ZC3H7A: variants seen among roughly 807,000 people sequenced by gnomAD.
ZC3H7A encodes zinc finger CCCH domain-containing protein 7A.
In ZC3H7A, 44 loss-of-function variants were observed where a neutral mutation model predicts 125.5. The ratio of observed to expected loss-of-function variants is 0.35; its 90% CI spans 0.28 to 0.45. ZC3H7A has a LOEUF of 0.45. Ranked by LOEUF, ZC3H7A falls within the 20% of genes least tolerant of loss-of-function variation. The pLI is 1.00. For synonymous variants in ZC3H7A, 399 were observed against 391.2 expected, an observed-to-expected ratio of 1.02 and a Z score of -0.23; for missense variants, 977 against 1,170.7, an observed-to-expected ratio of 0.83 and a Z score of 2.41.
chr16:11,768,770 G>C (rs752543680), intron 11 of ZC3H7A, among the ~76,000 whole-genome samples: 1 of 151,880 alleles, frequency 6.6e-6, no homozygotes, highest in African/African-American at 2.4e-5. Context: ...TACATGCCCC[G>C]ATCTTATATT....
intron 1 of ZC3H7A, among the ~76,000 whole-genome samples, chr16:11,794,531 T>C (rs1234861505): frequency 6.6e-6 from 1 of 152,008 alleles, no homozygotes; most frequent in Non-Finnish European, 1.5e-5. Flanking sequence ...TGGAGAAAAA[T>C]ATTTTCACTA....
chr16:11,785,762 G>A (rs370627732), intron 1 of ZC3H7A, among the ~76,000 whole-genome samples: 1 of 152,276 alleles, frequency 6.6e-6, no homozygotes, highest in South Asian at 2.1e-4. Context: ...TGGGACTACA[G>A]GCGCCCGCCA....
At chr16:11,757,951 A>G (rs1824573291) in intron 20 of ZC3H7A, among the ~76,000 whole-genome samples, 1 of 152,222 alleles carries the variant, frequency 6.6e-6, no homozygotes, top group South Asian at 2.1e-4. Flanking sequence ...CTCCTCTCAA[A>G]GGCTCCCACA....
intron 1 of ZC3H7A, among the ~76,000 whole-genome samples, chr16:11,794,350 C>T (rs765925337): frequency 6.6e-6 from 1 of 152,194 alleles, no homozygotes; most frequent in Non-Finnish European, 1.5e-5. Flanking sequence ...AAACGAAAAT[C>T]ACCTCATTTA....
Position 11,779,197 on chromosome 16 carries a change from T to C in ZC3H7A, c.275A>G (p.Tyr92Cys). 1 of 1,607,024 alleles carries C rather than the reference T, an allele frequency of 6.2e-7. No individual in the cohort carries two copies. The highest frequency in any genetic ancestry group is 1.1e-5 in the South Asian group (1 of 90,506). Residue 92 changes from tyrosine to cysteine, a missense_variant, in exon 4 of 23, where the codon TAT (tyrosine) becomes TGT (cysteine). This residue lies in a region of ZC3H7A where 199 missense variants were observed against 256.1 expected (regional missense o/e 0.78). Transcript: ENST00000355758. ...LIPKEIIEKLYINRIACYSNM... is the reference protein window; with the variant it reads ...LIPKEIIEKLCINRIACYSNM... ...AGAATAGCAGGCAATACGATTTATATATAGTTTTTCAATTATTTCTTTGGG... is the reference window on the plus strand; with the variant it reads ...AGAATAGCAGGCAATACGATTTATACATAGTTTTTCAATTATTTCTTTGGG...
At chr16:11,757,469 G>C (rs2052670369) in intron 20 of ZC3H7A, among the ~76,000 whole-genome samples, 1 of 117,666 alleles carries the variant, frequency 8.5e-6, no homozygotes, top group Non-Finnish European at 1.6e-5. Flanking sequence ...GGGTGACAAA[G>C]CGAGACTCTG....
At chr16:11,756,635 G>T (rs2052654189) in intron 20 of ZC3H7A, among the ~76,000 whole-genome samples, 1 of 152,160 alleles carries the variant, frequency 6.6e-6, no homozygotes, top group African/African-American at 2.4e-5. Context: ...ACGACACTTT[G>T]GGGATGTTTA....
intron 1 of ZC3H7A, among the ~76,000 whole-genome samples, chr16:11,789,197 A>C (rs79160862): frequency 0.087 from 13,216 of 152,210 alleles, 719 homozygotes; most frequent in African/African-American, 0.14. Context: ...ACTACTTTTG[A>C]AACTTCCTGT....
intron 9 of ZC3H7A, 129 bp from the exon 10 acceptor site, chr16:11,771,116 A>G (rs1006862765): frequency 1.9e-5 from 18 of 940,826 alleles, no homozygotes; most frequent in African/African-American, 3.3e-5. Context: ...AGTTTAGGCC[A>G]GGCATGGTGG....
chr16:11,763,593 C>T lies in ZC3H7A; in HGVS notation c.1887G>A (p.Gln629=). The change falls in exon 16 of 23, where the codon CAG becomes CAA. Residue 629 remains glutamine, a synonymous_variant. Transcript: ENST00000355758. ...KYSKIRSFHG[Q]CQLDLCRHEV... ...CATGTCGACATAAATCAAGCTGACA[C>T]TGACCATGAAAAGAACGTATTTTGG... 3 of 1,611,180 alleles carry T rather than the reference C, an allele frequency of 1.9e-6. No individual in the cohort carries two copies. The highest frequency in any genetic ancestry group is 2.5e-6 in the Non-Finnish European group (3 of 1,178,520).
At position 11,752,785 on chromosome 16, in the gene ZC3H7A, C is replaced by T. The variant is rs770238684; in HGVS notation, c.2610G>A (p.Lys870=). ...CGGAGGAGATGTGGCCCTGCCACTG[C>T]TTCTCACTGTTGCAGTTTTTCCCAC... is the stretch of plus-strand genomic sequence containing the variant. ...WMCGKNCNSE[K]QWQGHISSEK... Residue 870 remains lysine (K), a synonymous_variant, in exon 22 of 23, where the codon AAG becomes AAA. Coordinates refer to ENST00000355758, the MANE Select transcript of ZC3H7A (RefSeq NM_014153.4). 36 of 1,613,852 alleles carry T rather than the reference C, an allele frequency of 2.2e-5. No individual in the cohort carries two copies. In the South Asian group the frequency reaches 3.0e-4, roughly 13 times the overall value.
chr16:11,779,256 T>A lies in ZC3H7A; in HGVS notation c.216A>T (p.Ile72=). The part of the protein sequence containing the change: ...SISQYTEALN[I]ADYAKSEEIL... ...TTTCTTCAGATTTTGCATAATCAGC[T>A]ATATTCAAGGCTTCCGTGTACTGGC... Residue 72 remains isoleucine (I), a synonymous_variant, in exon 4 of 23, where the codon ATA becomes ATT. Transcript: ENST00000355758. 6.2e-7 allele frequency: 1 copy of A among 1,613,848 alleles called. No homozygotes were observed. Among genetic ancestry groups the A allele is most frequent in the Non-Finnish European group, 8.5e-7 (1 of 1,179,864 alleles).
At chr16:11,794,328 G>A (rs191022126) in intron 1 of ZC3H7A, among the ~76,000 whole-genome samples, 5 of 152,196 alleles carry the variant, frequency 3.3e-5, no homozygotes, top group Admixed American at 2.6e-4. Flanking sequence ...AAGTAACCTC[G>A]TTGCTTTACA....
intron 1 of ZC3H7A, chr16:11,796,164 T>A (rs192312501): frequency 1.3e-5 from 2 of 152,356 alleles, no homozygotes; most frequent in Admixed American, 6.5e-5. Flanking sequence ...TTTTCGTTAA[T>A]CCAATTTGTC....
chr16:11,776,574 C>T, intron 5 of ZC3H7A, 42 bp from the exon 6 acceptor site: 1 of 1,554,654 alleles, frequency 6.4e-7, no homozygotes, highest in East Asian at 2.3e-5. Context: ...GTTATATTTA[C>T]TAATGGTGAA....
rs764063084 is a variant in ZC3H7A at position 11,768,317 on chromosome 16, G to A, written c.1358C>T (p.Ser453Leu). 1.3e-6 allele frequency: 2 copies of A among 1,533,510 alleles called. No individual in the cohort carries two copies. The highest frequency in any genetic ancestry group is 1.8e-6 in the Non-Finnish European group (2 of 1,131,344). 95.0% of individuals were successfully genotyped at this position (1,533,510 alleles called of 1,614,324 possible). ...CTGCGTGTTTGTTTGGTCCTGACCT[G>A]ATTTTACAAAACAGATCTGGCAAGC... The part of the protein sequence containing the change: ...RQACQICFVK[S>L]GPKLMDFTYH... The change falls in exon 12 of 23, where the codon TCA (serine) becomes TTA (leucine). Residue 453 changes from serine to leucine, a missense_variant and splice_region_variant. By Grantham distance (145) the Ser-to-Leu change is moderately radical. Around this residue, in one of 3 missense-constraint regions of ZC3H7A, gnomAD observed 342 missense variants for 311.3 expected, o/e 1.10. Transcript: ENST00000355758.
In ZC3H7A at chr16:11,765,666, TTCC is replaced by T; in HGVS notation, c.1539_1541del (p.Glu514del). On this transcript the variant is annotated inframe_deletion, in exon 14 of 23. Transcript: ENST00000355758. This position sits in a 1 kb window ranked among gnomAD's most constrained non-coding sequence, Gnocchi z 4.8. ...ACGTGCAGTGGCCTGAATATCTACA[TTCC>T]TCCTCAGCAGCAACATCTAGAAAGA... 1 of 1,613,444 alleles carries T rather than the reference TTCC, an allele frequency of 6.2e-7. No individual in the cohort carries two copies. Among genetic ancestry groups the T allele is most frequent in the Non-Finnish European group, 8.5e-7 (1 of 1,179,642 alleles).
intron 7 of ZC3H7A, among the ~76,000 whole-genome samples, chr16:11,775,795 C>T (rs2053069990): frequency 6.6e-6 from 1 of 152,214 alleles, no homozygotes; most frequent in African/African-American, 2.4e-5. Context: ...AAATGCCCCA[C>T]TGGAGCATTC....
intron 16 of ZC3H7A, 106 bp downstream of exon 16, chr16:11,763,372 G>A (rs764687648): frequency 8.4e-5 from 98 of 1,164,160 alleles, no homozygotes; most frequent in Non-Finnish European, 1.1e-4. Context: ...GCCTCCCAAA[G>A]TAGTGGGATT....
Sources: gnomAD v4.1 joint callset for allele counts (sites outside exome capture counted in the v4.1 genomes callset) on GRCh38, gnomAD v4.1.1 for gene constraint, gnomAD v4.1.1 regional missense constraint, Gnocchi (gnomAD v3.1) non-coding constraint, MANE v1.5 for transcripts, NCBI Gene and HGNC (gene_info 2026-07-23, HGNC 2026-07-21) for gene names.